Variants in CDC16 observed in about 807,000 individuals in gnomAD.
CDC16 encodes the protein cell division cycle 16, also known as cell division cycle protein 16 homolog.
CDC16 carries 34 observed loss-of-function variants against 87.0 expected under a neutral mutation model. The observed-to-expected ratio is 0.39, with a 90% CI of 0.30 to 0.52. CDC16 has a LOEUF of 0.52. CDC16 is among the 20% of genes least tolerant of loss of function. The pLI, the probability that CDC16 is intolerant of heterozygous loss-of-function variation, is 0.74. For synonymous variants in CDC16, 263 were observed against 260.6 expected, an observed-to-expected ratio of 1.01 and a Z score of -0.09; for missense variants, 653 against 751.9, an observed-to-expected ratio of 0.87 and a Z score of 1.54.
chr13:114,266,305 C>T (rs1328454314), intron 17 of CDC16, among the ~76,000 whole-genome samples: 4 of 152,082 alleles, frequency 2.6e-5, no homozygotes, highest in East Asian at 3.9e-4. Flanking sequence ...CCAAGGAGCC[C>T]GAGGCTGTCA....
rs1008047769 is a variant in CDC16, at chr13:114,250,447, G to A, written c.972-102G>A. 19 of 1,060,826 alleles carry A rather than the reference G, an allele frequency of 1.8e-5. No homozygotes were observed. The East Asian group carries it at 1.9e-4, about 11-fold the overall frequency. The allele number at this position is 1,060,826 out of a possible 1,614,324, so 65.7% of individuals were successfully genotyped here. ...GCGGAGGCTGCAGAGAGCCGAGATC[G>A]CACCACTGCACTCCAGCCTGAGCGA... On this transcript the variant is annotated intron_variant, in intron 11 of 17. Transcript: ENST00000356221.
At chr13:114,240,371 G>A (rs939366324) in intron 5 of CDC16, among the ~76,000 whole-genome samples, 1 of 151,984 alleles carries the variant, frequency 6.6e-6, no homozygotes, top group African/African-American at 2.4e-5. Context: ...CACCATGCCC[G>A]GCTAATTTTT....
In CDC16 at chr13:114,239,757, A is replaced by G. The variant is rs17337877; in HGVS notation, c.381+267A>G. ...TATTTGATGCCTTAAGCTACTCCCT[A>G]AAAGTGGAATAATTTTTCTTCTCCT... is the stretch of plus-strand genomic sequence containing the variant. On this transcript the variant is annotated intron_variant, in intron 5 of 17. Coordinates refer to ENST00000356221, the MANE Select transcript of CDC16 (RefSeq NM_001078645.3). 1.7e-3 allele frequency among the ~76,000 whole-genome samples: 266 copies of G among 152,308 alleles called. 3 individuals are homozygous for G. Among genetic ancestry groups the G allele is most frequent in the African/African-American group, 6.0e-3 (250 of 41,562 alleles).
intron 15 of CDC16, among the ~76,000 whole-genome samples, chr13:114,262,181 A>C (rs2082896273): frequency 6.6e-6 from 1 of 152,232 alleles, no homozygotes; most frequent in South Asian, 2.1e-4. Flanking sequence ...GTTCAAAATT[A>C]ATTCAGAAGA....
At chr13:114,270,649 C>T (rs1350609085) in intron 17 of CDC16, among the ~76,000 whole-genome samples, 6 of 152,186 alleles carry the variant, frequency 3.9e-5, no homozygotes, top group Non-Finnish European at 8.8e-5. Context: ...ACATAGGGTT[C>T]ATTCAGCCAT....
intron 11 of CDC16, among the ~76,000 whole-genome samples, chr13:114,247,829 T>C (rs555329273): frequency 5.3e-5 from 8 of 152,158 alleles, no homozygotes; most frequent in South Asian, 2.1e-4. Flanking sequence ...TGAGCTGATA[T>C]CGCACCATTG....
chr13:114,247,557 C>T (rs979652732), intron 11 of CDC16, among the ~76,000 whole-genome samples: 3 of 151,950 alleles, frequency 2.0e-5, no homozygotes, highest in African/African-American at 7.3e-5. Flanking sequence ...ACCCTATTCT[C>T]AGGGAACCTA....
At chr13:114,257,612 A>T (rs2082585924) in intron 13 of CDC16, among the ~76,000 whole-genome samples, 1 of 152,194 alleles carries the variant, frequency 6.6e-6, no homozygotes, top group Non-Finnish European at 1.5e-5. Context: ...TTTTCTATTT[A>T]GTTACTAGTA....
intron 17 of CDC16, among the ~76,000 whole-genome samples, chr13:114,268,551 T>TA (rs1352178245): frequency 6.6e-6 from 1 of 152,152 alleles, no homozygotes; most frequent in African/African-American, 2.4e-5. Context: ...GAAGTGAAGT[T>TA]ACACCCTATG....
At chr13:114,249,657 G>C (rs2082060663) in intron 11 of CDC16, among the ~76,000 whole-genome samples, 1 of 152,118 alleles carries the variant, frequency 6.6e-6, no homozygotes, top group Non-Finnish European at 1.5e-5. Flanking sequence ...TGTAACCAGG[G>C]TATATCTGTT....
At chr13:114,250,800 C>T (rs2082130309) in intron 12 of CDC16, 126 bp downstream of exon 12, 5 of 915,670 alleles carry the variant, frequency 5.5e-6, no homozygotes, top group Non-Finnish European at 6.5e-6. Context: ...GCCTTTTAAT[C>T]TAGTTGCTTG....
intron 17 of CDC16, among the ~76,000 whole-genome samples, chr13:114,266,708 T>C (rs1419015160): frequency 3.2e-4 from 49 of 152,156 alleles, no homozygotes; most frequent in Non-Finnish European, 1.5e-5. Context: ...CTTTTTTTTT[T>C]TTTGAGACGG....
chr13:114,239,382 T>C lies in CDC16; in HGVS notation c.273T>C (p.Asp91=). ...CAAAAGAGCACCAGCAGGCCCTTGA[T>C]GTTCTTGACATGGAAGAGCCCATCA... ...YAAKEHQQAL[D]VLDMEEPINK... is the part of the protein sequence containing the mutation. Residue 91 remains aspartate (D), a synonymous_variant, in exon 5 of 18, where the codon GAT becomes GAC. Transcript: ENST00000356221. The C allele has an allele frequency of 6.2e-7, 1 of 1,611,406 alleles. No homozygotes were observed. Among genetic ancestry groups the C allele is most frequent in the East Asian group, 2.2e-5 (1 of 44,828 alleles).
intron 12 of CDC16, among the ~76,000 whole-genome samples, chr13:114,254,171 A>G (rs1038278479): frequency 6.8e-4 from 104 of 151,910 alleles, no homozygotes; most frequent in African/African-American, 2.4e-3. Context: ...TTTAATTTCA[A>G]CTTGTGTTTT....
chr13:114,235,081 C>T lies in CDC16; in HGVS notation c.-4C>T, dbSNP rs2081175023. 8.0e-7 allele frequency: 1 copy of T among 1,245,398 alleles called. No individual in the cohort carries two copies. Among genetic ancestry groups the T allele is most frequent in the African/African-American group, 1.5e-5 (1 of 64,548 alleles). 77.1% of individuals were successfully genotyped at this position (1,245,398 alleles called of 1,614,324 possible). ...GTGTGGCGTGAGGCCGGGCCCGCGC[C>T]GCCATGAACCTAGAGCGGCTGCGGA... is the stretch of plus-strand genomic sequence containing the variant. On this transcript the variant is annotated 5_prime_UTR_variant, in exon 1 of 18. Transcript: ENST00000356221.
chr13:114,250,468 AG>A (rs2082110331), intron 11 of CDC16, 80 bp from the exon 12 acceptor site: 1 of 1,365,850 alleles, frequency 7.3e-7, no homozygotes, highest in Non-Finnish European at 9.9e-7. Flanking sequence ...CTCCAGCCTG[AG>A]CGACAAAGTG....
intron 17 of CDC16, among the ~76,000 whole-genome samples, chr13:114,268,813 C>CAAAA (rs35715190): frequency 6.6e-6 from 1 of 152,002 alleles, no homozygotes; most frequent in African/African-American, 2.4e-5. Flanking sequence ...AACCCTGTCT[C>CAAAA]AAAAAAGTAA....
intron 15 of CDC16, among the ~76,000 whole-genome samples, 157 bp from the exon 16 acceptor site, chr13:114,262,722 T>G (rs2082929717): frequency 6.6e-6 from 1 of 152,188 alleles, no homozygotes; most frequent in Non-Finnish European, 1.5e-5. Flanking sequence ...GAGGGCATAT[T>G]GAGATGCATG....
chr13:114,236,039 CTG>C (rs17290979), intron 1 of CDC16, among the ~76,000 whole-genome samples: 3,720 of 152,280 alleles, frequency 0.024, 154 homozygotes, highest in African/African-American at 0.085. Flanking sequence ...CTGTAGAAGA[CTG>C]AGGACTGAGG....
Sources: gnomAD v4.1 joint callset for allele counts (sites outside exome capture counted in the v4.1 genomes callset) on GRCh38, gnomAD v4.1.1 for gene constraint, MANE v1.5 for transcripts, NCBI Gene and HGNC (gene_info 2026-07-23, HGNC 2026-07-21) for gene names.